Variants in CPT1A observed in about 807,000 individuals in gnomAD.
The protein encoded by CPT1A is carnitine O-palmitoyltransferase 1, liver isoform.
Under a neutral mutation model 100.8 loss-of-function variants are expected in CPT1A, and 64 were observed. The ratio of observed to expected loss-of-function variants is 0.63; its 90% confidence interval spans 0.52 to 0.78. The LOEUF (loss-of-function observed/expected upper bound fraction) is 0.78, where lower values mean the gene tolerates loss of function less well. Ranked by LOEUF, CPT1A falls within the 30% of genes least tolerant of loss-of-function variation. CPT1A has a pLI of 0.00. For synonymous variants in CPT1A, 363 were observed against 396.0 expected, an observed-to-expected ratio of 0.92 and a Z score of 0.99; for missense variants, 802 against 1,034.1, an observed-to-expected ratio of 0.78 and a Z score of 3.08.
chr11:68,831,983 C>T (rs915350719), intron 1 of CPT1A, among the ~76,000 whole-genome samples: 1 of 152,108 alleles, frequency 6.6e-6, no homozygotes, highest in Non-Finnish European at 1.5e-5. Flanking sequence ...CAATGTGACC[C>T]ATATATATTT....
intron 14 of CPT1A, among the ~76,000 whole-genome samples, chr11:68,764,451 G>A (rs1245160265): frequency 2.0e-5 from 3 of 152,202 alleles, no homozygotes; most frequent in African/African-American, 7.2e-5. Context: ...CAGAGGCAAG[G>A]CTGGGCTGAG....
rs1857158129 is a variant in CPT1A, at chr11:68,841,496, C to T, written c.-14+279G>A. Among the ~76,000 whole-genome samples, 2 of 152,186 alleles carry T rather than the reference C, an allele frequency of 1.3e-5. No individual in the cohort carries two copies. The highest frequency in any genetic ancestry group is 6.5e-5 in the Admixed American group (1 of 15,284). On this transcript the variant is annotated intron_variant, in intron 1 of 18. Coordinates refer to ENST00000265641, the MANE Select transcript of CPT1A (RefSeq NM_001876.4). This position sits in a 1 kb window ranked among gnomAD's most constrained non-coding sequence, Gnocchi z 6.3. ...AGTCCGGAGGGCCGAGCATCCCTCC[C>T]GCGGCCGCACGGGACCCGCCTGCGG...
intron 12 of CPT1A, among the ~76,000 whole-genome samples, chr11:68,776,522 T>C (rs1192901485): frequency 6.6e-6 from 1 of 152,140 alleles, no homozygotes; most frequent in African/African-American, 2.4e-5. Flanking sequence ...ACAGAAAGAT[T>C]AGTGGTCATC....
In CPT1A at chr11:68,838,216, C is replaced by T. The variant is rs1376157873; in HGVS notation, c.-14+3559G>A. On this transcript the variant is annotated intron_variant, in intron 1 of 18. Transcript: ENST00000265641. The stretch of plus-strand genomic sequence containing the variant: ...CACGCCTCACTCAGCAGCATGATTT[C>T]TTTCACTGTTAACTTCCAAAGACGT... 2.0e-5 allele frequency among the ~76,000 whole-genome samples: 3 copies of T among 151,988 alleles called. No individual in the cohort carries two copies. In the East Asian group the frequency reaches 5.8e-4, roughly 29 times the overall value.
intron 10 of CPT1A, among the ~76,000 whole-genome samples, chr11:68,783,616 G>A (rs1855374897): frequency 6.6e-6 from 1 of 152,336 alleles, no homozygotes; most frequent in African/African-American, 2.4e-5. Flanking sequence ...CTGCTGGAAC[G>A]CAGCAGCTCT....
intron 2 of CPT1A, among the ~76,000 whole-genome samples, chr11:68,813,463 G>A (rs558595347): frequency 1.3e-5 from 2 of 151,116 alleles, no homozygotes; most frequent in Admixed American, 6.6e-5. Context: ...CCCAGGAGGC[G>A]GAGGTTGCAG....
At chr11:68,820,862 C>G (rs1170805385) in intron 1 of CPT1A, among the ~76,000 whole-genome samples, 1 of 152,130 alleles carries the variant, frequency 6.6e-6, no homozygotes, top group Non-Finnish European at 1.5e-5. Flanking sequence ...CAGGAAAACA[C>G]CTCGTATACA....
At chr11:68,796,757 T>C (rs989961451) in intron 7 of CPT1A, 99 bp downstream of exon 7, 9 of 1,201,006 alleles carry the variant, frequency 7.5e-6, no homozygotes, top group Non-Finnish European at 9.7e-6. Context: ...CCCCAGAGTT[T>C]TCCCAGGCCG....
chr11:68,803,368 G>A (rs1477583899), intron 5 of CPT1A, among the ~76,000 whole-genome samples: 1 of 152,160 alleles, frequency 6.6e-6, no homozygotes, highest in African/African-American at 2.4e-5. Flanking sequence ...GAAGAATGGG[G>A]AATGACTGCA....
At position 68,781,898 on chromosome 11, in the gene CPT1A, C is replaced by T. The variant is rs1247892549; in HGVS notation, c.1225G>A (p.Asp409Asn). 6.2e-6 allele frequency: 10 copies of T among 1,614,156 alleles called. No homozygotes were observed. The highest frequency in any genetic ancestry group is 7.6e-6 in the Non-Finnish European group (9 of 1,180,028). Residue 409 changes from aspartate to asparagine, a missense_variant, in exon 11 of 19, where the codon GAT (aspartate) becomes AAT (asparagine). Coordinates refer to ENST00000265641, the MANE Select transcript of CPT1A (RefSeq NM_001876.4). ...AAGAACGCTGCTTTCTCCACAGCATCAAGAGACTGCTTATTTTTCCCACGT... is the reference window on the plus strand; with the variant it reads ...AAGAACGCTGCTTTCTCCACAGCATTAAGAGACTGCTTATTTTTCCCACGT... ...FGRGKNKQSL[D>N]AVEKAAFFVT...
rs139456623 is a variant in CPT1A, at chr11:68,804,253, C to A, written c.454-152G>T. On this transcript the variant is annotated intron_variant, in intron 4 of 18. Coordinates refer to ENST00000265641, the MANE Select transcript of CPT1A (RefSeq NM_001876.4). Reference sequence around the variant, plus strand: ...CAAAGACAAGGCTATGTTAAAGATCCGAAGCCACTTTTCCCGTGCGCACAA... The same window carrying A: ...CAAAGACAAGGCTATGTTAAAGATCAGAAGCCACTTTTCCCGTGCGCACAA... The A allele has an allele frequency of 5.8e-6, 4 of 688,760 alleles. No individual in the cohort carries two copies. The East Asian group carries it at 8.2e-5, about 14-fold the overall frequency. The allele number at this position is 688,760 out of a possible 1,614,324, so 42.7% of individuals were successfully genotyped here. A position where few individuals can be genotyped will look rare whatever the true frequency, so the allele number is the denominator to read the frequency against.
chr11:68,785,037 A>G (rs1394293349), intron 9 of CPT1A, 27 bp from the exon 10 acceptor site: 2 of 1,609,924 alleles, frequency 1.2e-6, no homozygotes, highest in Non-Finnish European at 1.7e-6. Flanking sequence ...TTGGAGACAC[A>G]AAACCAAGAG....
At chr11:68,764,704 T>C (rs1326678165) in intron 14 of CPT1A, among the ~76,000 whole-genome samples, 1 of 152,022 alleles carries the variant, frequency 6.6e-6, no homozygotes, top group Admixed American at 6.6e-5. Flanking sequence ...AGGCAGAAGG[T>C]AGCGTCCAGG....
intron 4 of CPT1A, among the ~76,000 whole-genome samples, chr11:68,806,173 G>A (rs796447993): frequency 1.6e-4 from 24 of 152,024 alleles, no homozygotes; most frequent in African/African-American, 4.8e-4. Context: ...GCACCACCAC[G>A]CCTGGCTAAT....
chr11:68,819,776 A>C (rs945867244), intron 1 of CPT1A, among the ~76,000 whole-genome samples: 1 of 152,116 alleles, frequency 6.6e-6, no homozygotes, highest in Non-Finnish European at 1.5e-5. Context: ...AAATGCCCCT[A>C]AGGTGCACAA....
chr11:68,780,804 A>G, intron 11 of CPT1A, 59 bp from the exon 12 acceptor site: 1 of 1,243,310 alleles, frequency 8.0e-7, no homozygotes, highest in Non-Finnish European at 1.2e-6. Flanking sequence ...ATGAGGAGAC[A>G]TTGCACCTCT....
chr11:68,775,514 C>T, intron 12 of CPT1A, 82 bp from the exon 13 acceptor site: 1 of 1,109,842 alleles, frequency 9.0e-7, no homozygotes, highest in Non-Finnish European at 1.4e-6. Context: ...GAGGGTTGTT[C>T]TTTGCAGAGA....
intron 12 of CPT1A, among the ~76,000 whole-genome samples, chr11:68,776,477 T>C (rs1256845993): frequency 6.6e-6 from 1 of 152,210 alleles, no homozygotes; most frequent in Non-Finnish European, 1.5e-5. Context: ...TGATTCTATC[T>C]ATATAAGATG....
At chr11:68,786,253 T>C (rs1203155487) in intron 9 of CPT1A, among the ~76,000 whole-genome samples, 1 of 152,110 alleles carries the variant, frequency 6.6e-6, no homozygotes, top group Non-Finnish European at 1.5e-5. Flanking sequence ...TCCCAGTTAT[T>C]CTGGAGCTGA....
Sources: gnomAD v4.1 joint callset for allele counts (sites outside exome capture counted in the v4.1 genomes callset) on GRCh38, gnomAD v4.1.1 for gene constraint, Gnocchi (gnomAD v3.1) non-coding constraint, MANE v1.5 for transcripts, NCBI Gene and HGNC (gene_info 2026-07-23, HGNC 2026-07-21) for gene names.